The following TDRD7 variants were observed in gnomAD, a reference collection of about 807,000 sequenced individuals.
TDRD7 encodes the protein tudor domain-containing protein 7.
Under a neutral mutation model 109.8 loss-of-function variants are expected in TDRD7, and 47 were observed. The ratio of observed to expected loss-of-function variants is 0.43; its 90% CI spans 0.34 to 0.55. TDRD7 has a LOEUF of 0.55. Among genes scored for constraint, TDRD7 ranks in the 20% least tolerant of loss-of-function variants. The pLI is 0.03. For missense variants in TDRD7, 1,164 were observed against 1,319.2 expected (o/e 0.88, Z 1.82); for synonymous variants, 424 against 457.3 (o/e 0.93, Z 0.93).
At chr9:97,468,595 T>C (rs1205269733) in intron 8 of TDRD7, among the ~76,000 whole-genome samples, 1 of 152,236 alleles carries the variant, frequency 6.6e-6, no homozygotes, top group Admixed American at 6.5e-5. Flanking sequence ...CTTGCTTCGC[T>C]TGAATTGAAC....
rs1184335485 is a variant in TDRD7, at chr9:97,430,968, A to C, written c.243A>C (p.Ala81=). Reference sequence around the variant, plus strand: ...ATGCCATGGCCTGCACAGAAACTGCAAGAATTGCTCAGCTTGTGGCTCGTC... The same window carrying C: ...ATGCCATGGCCTGCACAGAAACTGCCAGAATTGCTCAGCTTGTGGCTCGTC... The part of the protein sequence containing the change: ...TCYAMACTET[A]RIAQLVARQR... Residue 81 remains alanine, a synonymous_variant, in exon 3 of 17, where the codon GCA becomes GCC. Coordinates refer to ENST00000355295, the MANE Select transcript of TDRD7 (RefSeq NM_014290.3). 6.2e-7 allele frequency: 1 copy of C among 1,613,894 alleles called. No homozygotes were observed. Among genetic ancestry groups the C allele is most frequent in the African/African-American group, 1.3e-5 (1 of 75,026 alleles).
At position 97,473,586 on chromosome 9, in the gene TDRD7, G is replaced by A. The variant is rs140111735; in HGVS notation, c.2039G>A (p.Ser680Asn). 1.9e-6 allele frequency: 3 copies of A among 1,613,700 alleles called. No individual in the cohort carries two copies. Among genetic ancestry groups the A allele is most frequent in the Admixed American group, 1.7e-5 (1 of 59,958 alleles). Residue 680 changes from serine (S) to asparagine (N), a missense_variant, in exon 11 of 17, where the codon AGT becomes AAT. Physicochemically the swap from Ser to Asn is conservative, Grantham distance 46. This residue lies in a region of TDRD7 where 261 missense variants were observed against 336.2 expected (regional missense o/e 0.78). Transcript: ENST00000355295. ...CCTTGTAAGGGTCTGAACAAGCTCAGTGACCTTCTACGTAAGATAGAGGAC... is the reference window on the plus strand; with the variant it reads ...CCTTGTAAGGGTCTGAACAAGCTCAATGACCTTCTACGTAAGATAGAGGAC... ...QVPCKGLNKL[S>N]DLLRKIEDYF...
intron 6 of TDRD7, among the ~76,000 whole-genome samples, chr9:97,447,774 G>C (rs1403867685): frequency 6.6e-6 from 1 of 152,172 alleles, no homozygotes; most frequent in Non-Finnish European, 1.5e-5. Context: ...CACATTGAAA[G>C]CCACAGCTAC....
rs377340161 is a variant in TDRD7 at position 97,495,708 on chromosome 9, G to A, written c.3122G>A (p.Arg1041Gln). ...TCTGAGGAGGCTTCTATGGTGTTTC[G>A]AAATCATGTGGAGAAGAAACCTCTG... is the stretch of plus-strand genomic sequence containing the variant. ...QWSEEASMVF[R>Q]NHVEKKPLVA... The change falls in exon 17 of 17, where the codon CGA becomes CAA. Residue 1041 changes from arginine to glutamine, a missense_variant. Transcript: ENST00000355295. 2.3e-5 allele frequency: 37 copies of A among 1,614,034 alleles called. No homozygotes were observed. Among genetic ancestry groups the A allele is most frequent in the Admixed American group, 1.2e-4 (7 of 59,998 alleles).
intron 1 of TDRD7, among the ~76,000 whole-genome samples, chr9:97,426,959 C>A (rs957861698): frequency 2.6e-5 from 4 of 152,170 alleles, no homozygotes; most frequent in Admixed American, 6.5e-5. Flanking sequence ...AGTATGGTAG[C>A]CAGTGGCCAC....
intron 4 of TDRD7, among the ~76,000 whole-genome samples, chr9:97,439,042 T>C (rs745930335): frequency 1.3e-5 from 2 of 152,206 alleles, no homozygotes; most frequent in Non-Finnish European, 2.9e-5. Flanking sequence ...ATTTAGCTTT[T>C]AACATACTTT....
chr9:97,441,525 C>G (rs1828304736), intron 5 of TDRD7, 133 bp from the exon 6 acceptor site: 1 of 753,892 alleles, frequency 1.3e-6, no homozygotes, highest in South Asian at 1.7e-5. Context: ...CTGCCTAATC[C>G]TGCTCCCTTC....
chr9:97,428,075 G>T (rs947166186), intron 1 of TDRD7, among the ~76,000 whole-genome samples: 2 of 152,088 alleles, frequency 1.3e-5, no homozygotes, highest in African/African-American at 4.8e-5. Context: ...AACACACCAT[G>T]TGCTTCTCTC....
intron 13 of TDRD7, chr9:97,480,365 C>T (rs945164775): frequency 3.4e-5 from 7 of 207,426 alleles, no homozygotes; most frequent in African/African-American, 1.2e-4. Flanking sequence ...CTGGTACCCA[C>T]GAGGTACTCA....
At chr9:97,457,353 T>A (rs1463575867) in intron 6 of TDRD7, among the ~76,000 whole-genome samples, 1 of 151,848 alleles carries the variant, frequency 6.6e-6, no homozygotes. Flanking sequence ...CATTCTACTA[T>A]AAAGACACAC....
chr9:97,478,386 A>G, intron 12 of TDRD7, 53 bp from the exon 13 acceptor site: 1 of 1,609,730 alleles, frequency 6.2e-7, no homozygotes, highest in East Asian at 2.2e-5. Flanking sequence ...GCACAGAAGC[A>G]TTTTGGTCTT....
At chr9:97,448,231 C>G (rs773343299) in intron 6 of TDRD7, among the ~76,000 whole-genome samples, 12 of 152,224 alleles carry the variant, frequency 7.9e-5, no homozygotes, top group Non-Finnish European at 1.6e-4. Context: ...TCACTAGCCT[C>G]AGTACCTTCT....
chr9:97,482,014 A>T lies in TDRD7; in HGVS notation c.2413-835A>T, dbSNP rs991344976. ...TTGGTAAAAGATAAATGTGGCTGGA[A>T]GTATCTTATTTTTATCATTCCTAAG... is the stretch of plus-strand genomic sequence containing the variant. On this transcript the variant is annotated intron_variant, in intron 14 of 16. Transcript: ENST00000355295. Among the ~76,000 whole-genome samples the T allele has an allele frequency of 2.6e-5, 4 of 152,306 alleles. No homozygotes were observed. In the East Asian group the frequency reaches 7.7e-4, roughly 29 times the overall value.
At chr9:97,484,312 C>T (rs147218220) in intron 15 of TDRD7, among the ~76,000 whole-genome samples, 8 of 152,156 alleles carry the variant, frequency 5.3e-5, no homozygotes, top group African/African-American at 1.4e-4. Context: ...TGGTTTCATC[C>T]AAGTGAAGCC....
Position 97,480,743 on chromosome 9 carries a change from A to G in TDRD7, c.2302-85A>G, listed in dbSNP as rs1490312254. The G allele has an allele frequency of 5.3e-6, 6 of 1,132,982 alleles. No individual in the cohort carries two copies. In the Admixed American group the frequency reaches 1.0e-4, roughly 19 times the overall value. The allele number at this position is 1,132,982 out of a possible 1,614,324, so 70.2% of individuals were successfully genotyped here. The stretch of plus-strand genomic sequence containing the variant: ...TTGCTGTCTATCTTGGTACCATTTG[A>G]TTTGTAGGAAAATAATATTAACATT... On this transcript the variant is annotated intron_variant, in intron 13 of 16. Coordinates refer to ENST00000355295, the MANE Select transcript of TDRD7 (RefSeq NM_014290.3).
At chr9:97,424,049 C>CTTTTTTT (rs56369544) in intron 1 of TDRD7, among the ~76,000 whole-genome samples, 6 of 48,862 alleles carry the variant, frequency 1.2e-4, no homozygotes, top group Non-Finnish European at 1.7e-4. Context: ...CTTTTATATT[C>CTTTTTTT]TTTTTTTTTT....
chr9:97,460,947 C>T (rs1326528566), intron 7 of TDRD7, among the ~76,000 whole-genome samples, 183 bp downstream of exon 7: 1 of 152,100 alleles, frequency 6.6e-6, no homozygotes, highest in Non-Finnish European at 1.5e-5. Context: ...CGAGACCATC[C>T]TGGCTAACAT....
At position 97,441,639 on chromosome 9, in the gene TDRD7, T is replaced by C; in HGVS notation, c.638-19T>C. ...ATGTTAAGCATTTTGGTTAATTCTA[T>C]TATTTTTTTAATTTAAAGATAATTT... is the stretch of plus-strand genomic sequence containing the variant. On this transcript the variant is annotated intron_variant, in intron 5 of 16. Coordinates refer to ENST00000355295, the MANE Select transcript of TDRD7 (RefSeq NM_014290.3). The C allele has an allele frequency of 6.4e-7, 1 of 1,565,186 alleles. No individual in the cohort carries two copies. Among genetic ancestry groups the C allele is most frequent in the Non-Finnish European group, 8.7e-7 (1 of 1,148,526 alleles).
At chr9:97,470,204 G>T (rs1828887266) in intron 8 of TDRD7, among the ~76,000 whole-genome samples, 2 of 152,184 alleles carry the variant, frequency 1.3e-5, no homozygotes, top group Admixed American at 1.3e-4. Context: ...TAGGCATTAT[G>T]ATATTAATGA....
Sources: allele counts gnomAD v4.1 joint callset (sites outside exome capture counted in the v4.1 genomes callset), GRCh38; gene constraint gnomAD v4.1.1; regional missense constraint gnomAD v4.1.1; transcripts MANE v1.5; gene names NCBI Gene and HGNC (gene_info 2026-07-23, HGNC 2026-07-21).